The following PUS7L variants were observed in gnomAD, a reference collection of about 807,000 sequenced individuals.
PUS7L encodes pseudouridine synthase 7 like.
A neutral mutation model predicts 51.1 loss-of-function variants in PUS7L; 49 were observed. The ratio of observed to expected loss-of-function variants is 0.96; its 90% CI spans 0.76 to 1.22. The LOEUF (loss-of-function observed/expected upper bound fraction) is 1.22, where lower values mean the gene tolerates loss of function less well. Among genes scored for constraint, PUS7L ranks in the 50% most tolerant of loss-of-function variants. PUS7L has a pLI of 0.00. For synonymous variants in PUS7L, 277 were observed against 276.2 expected (o/e 1.00, Z -0.03); for missense variants, 828 against 820.6 (o/e 1.01, Z -0.11).
chr12:43,748,569 C>A lies in PUS7L; in HGVS notation c.951G>T (p.Ala317=). 7 of 1,605,934 alleles carry A rather than the reference C, an allele frequency of 4.4e-6. No homozygotes were observed. Among genetic ancestry groups the A allele is most frequent in the Admixed American group, 1.7e-5 (1 of 57,958 alleles). The change falls in exon 3 of 9, where the codon GCG becomes GCT. Residue 317 remains alanine, a synonymous_variant. Coordinates refer to ENST00000344862, the MANE Select transcript of PUS7L (RefSeq NM_031292.5). ...CAAGTTTGATAGCTAAAAAACCAATCGCTTCAAACATTTCCAGGTTTTCCT... is the reference window on the plus strand; with the variant it reads ...CAAGTTTGATAGCTAAAAAACCAATAGCTTCAAACATTTCCAGGTTTTCCT... ...LRKENLEMFE[A]IGFLAIKLGV... is the part of the protein sequence containing the mutation.
rs1487894566 is a variant in PUS7L, at chr12:43,755,144, A to G, written c.102T>C (p.Phe34=). The change falls in exon 2 of 9, where the codon TTT becomes TTC. Residue 34 remains phenylalanine, a synonymous_variant. Transcript: ENST00000344862. ...CCTGTTCATCAATTTCAATAACAATAAAGTCACTTGGTGAGCTTTTTATAG... is the reference window on the plus strand; with the variant it reads ...CCTGTTCATCAATTTCAATAACAATGAAGTCACTTGGTGAGCTTTTTATAG... ...HGTIKSSPSD[F]IVIEIDEQGQ... The G allele has an allele frequency of 1.9e-6, 3 of 1,613,536 alleles. No homozygotes were observed. Among genetic ancestry groups the G allele is most frequent in the Admixed American group, 1.7e-5 (1 of 60,008 alleles).
rs1321742956 is a variant in PUS7L, at chr12:43,730,141, A to G, written c.*235T>C. Reference sequence around the variant, plus strand: ...ATGACACAGAATAAAGGTCACTGAAACATATAATAGAAAAAAAACACAGGC... The same window carrying G: ...ATGACACAGAATAAAGGTCACTGAAGCATATAATAGAAAAAAAACACAGGC... On this transcript the variant is annotated 3_prime_UTR_variant, in exon 9 of 9. Transcript: ENST00000344862. 6.2e-6 allele frequency: 3 copies of G among 482,868 alleles called. No individual in the cohort carries two copies. The highest frequency in any genetic ancestry group is 3.4e-5 in the Admixed American group (1 of 29,046). The allele number at this position is 482,868 out of a possible 1,614,324, so 29.9% of individuals were successfully genotyped here.
Position 43,727,264 on chromosome 12 carries a change from G to A in PUS7L, c.*3112C>T, listed in dbSNP as rs1944467525. 6.6e-6 allele frequency: 1 copy of A among 152,154 alleles called. No homozygotes were observed. Among genetic ancestry groups the A allele is most frequent in the Admixed American group, 6.5e-5 (1 of 15,276 alleles). 9.4% of individuals were successfully genotyped at this position (152,154 alleles called of 1,614,324 possible). A position where few individuals can be genotyped will look rare whatever the true frequency, so the allele number is the denominator to read the frequency against. ...AATATAAATTAGTTCAGCCTCTGTG[G>A]AAAGCAGTTTGAAGATTTCTCAAAG... On this transcript the variant is annotated 3_prime_UTR_variant, in exon 9 of 9. Coordinates refer to ENST00000344862, the MANE Select transcript of PUS7L (RefSeq NM_031292.5).
chr12:43,753,043 ATT>A (rs1176710054), intron 2 of PUS7L, among the ~76,000 whole-genome samples: 5 of 152,204 alleles, frequency 3.3e-5, no homozygotes, highest in African/African-American at 9.6e-5. Context: ...CCAAATTAAT[ATT>A]GTTAGAATTT....
rs143825055 is a variant in PUS7L, at chr12:43,736,586, C to T, written c.1520G>A (p.Arg507His). The change falls in exon 7 of 9, where the codon CGC becomes CAC. Residue 507 changes from arginine to histidine, a missense_variant. Coordinates refer to ENST00000344862, the MANE Select transcript of PUS7L (RefSeq NM_031292.5). ...RERALLEALH[R>H]FGMTEEGCIQ... ...ACAACCTTCCTCGGTCATGCCAAAG[C>T]GGTGCAATGCCTCCAACAATGCTCT... The T allele has an allele frequency of 1.6e-4, 258 of 1,613,914 alleles. No individual in the cohort carries two copies. Among genetic ancestry groups the T allele is most frequent in the African/African-American group, 2.0e-4 (15 of 74,812 alleles).
At chr12:43,732,586 T>A (rs1944583542) in intron 7 of PUS7L, among the ~76,000 whole-genome samples, 1 of 152,166 alleles carries the variant, frequency 6.6e-6, no homozygotes, top group African/African-American at 2.4e-5. Flanking sequence ...CTCTAGGATA[T>A]CACAGAATAA....
chr12:43,755,942 A>G (rs1938679753), intron 1 of PUS7L, among the ~76,000 whole-genome samples: 1 of 152,196 alleles, frequency 6.6e-6, no homozygotes, highest in African/African-American at 2.4e-5. Context: ...ACACTATGCA[A>G]GAGAATAGTA....
chr12:43,744,773 G>C (rs1158992644), intron 4 of PUS7L, among the ~76,000 whole-genome samples: 1 of 151,988 alleles, frequency 6.6e-6, no homozygotes. Flanking sequence ...GGTCTTTGTG[G>C]TGAGAAACTT....
chr12:43,732,377 C>A (rs762849521), intron 7 of PUS7L, among the ~76,000 whole-genome samples: 8 of 151,504 alleles, frequency 5.3e-5, no homozygotes, highest in Non-Finnish European at 1.2e-4. Flanking sequence ...ATCCCAGGAG[C>A]TAAAGACTGC....
chr12:43,732,386 G>A (rs1275515855), intron 7 of PUS7L, among the ~76,000 whole-genome samples: 1 of 151,876 alleles, frequency 6.6e-6, no homozygotes, highest in Non-Finnish European at 1.5e-5. Context: ...GCTAAAGACT[G>A]CAGTGAAACA....
In PUS7L at chr12:43,736,580, C is replaced by G; in HGVS notation, c.1526G>C (p.Gly509Ala). The change falls in exon 7 of 9, where the codon GGC (glycine) becomes GCC (alanine). Residue 509 changes from glycine (G) to alanine (A), a missense_variant. Transcript: ENST00000344862. ...RALLEALHRF[G>A]MTEEGCIQAW... ...CTGGATACAACCTTCCTCGGTCATG[C>G]CAAAGCGGTGCAATGCCTCCAACAA... The G allele has an allele frequency of 1.2e-6, 2 of 1,614,052 alleles. No homozygotes were observed. Among genetic ancestry groups the G allele is most frequent in the Non-Finnish European group, 8.5e-7 (1 of 1,180,030 alleles).
intron 5 of PUS7L, chr12:43,739,125 T>C (rs17093639): frequency 0.11 from 17,226 of 152,380 alleles, 1,864 homozygotes; most frequent in African/African-American, 0.28. Flanking sequence ...AAGTGAAAGA[T>C]CAAGAACCAC....
chr12:43,730,700 C>A lies in PUS7L; in HGVS notation c.1782G>T (p.Val594=), dbSNP rs1456009960. ...GSANMYAIHQ[V]VLPVLGYNIQ... ...TATTGTATCCAAGTACTGGAAGAAC[C>A]ACCTGTGAAAGAAAAGAGGGAAAAA... Residue 594 remains valine, a splice_region_variant and synonymous_variant, in exon 9 of 9, where the codon GTG becomes GTT. Transcript: ENST00000344862. 3.8e-6 allele frequency: 6 copies of A among 1,579,680 alleles called. No individual in the cohort carries two copies. The African/African-American group carries it at 4.1e-5, about 11-fold the overall frequency.
rs1202760659 is a variant in PUS7L at position 43,720,078 on chromosome 12, A to T, written c.*10298T>A. The T allele has an allele frequency of 1.3e-5, 2 of 152,232 alleles. No homozygotes were observed. Among genetic ancestry groups the T allele is most frequent in the Non-Finnish European group, 2.9e-5 (2 of 68,040 alleles). 9.4% of individuals were successfully genotyped at this position (152,232 alleles called of 1,614,324 possible). ...TTCTTTTCTACCATAAGCATTTATG[A>T]ATATAATCTCCCTCTACATGCTGCT... On this transcript the variant is annotated 3_prime_UTR_variant, in exon 9 of 9. Coordinates refer to ENST00000344862, the MANE Select transcript of PUS7L (RefSeq NM_031292.5).
intron 3 of PUS7L, among the ~76,000 whole-genome samples, chr12:43,748,192 A>T (rs1017732566): frequency 1.3e-5 from 2 of 152,230 alleles, no homozygotes; most frequent in African/African-American, 2.4e-5. Context: ...TAACAAAAAA[A>T]TTTGTAAAAT....
chr12:43,748,261 T>A (rs10880564), intron 3 of PUS7L, among the ~76,000 whole-genome samples, 189 bp downstream of exon 3: 5,853 of 152,304 alleles, frequency 0.038, 281 homozygotes, highest in African/African-American at 0.11. Context: ...ACGAGGATTT[T>A]TTTTAAATGT....
At chr12:43,752,312 C>A (rs1938492659) in intron 2 of PUS7L, among the ~76,000 whole-genome samples, 1 of 152,200 alleles carries the variant, frequency 6.6e-6, no homozygotes, top group South Asian at 2.1e-4. Context: ...CACAGCATAG[C>A]AGCTGGCTTT....
chr12:43,736,816 A>T (rs1190708148), intron 6 of PUS7L, 155 bp from the exon 7 acceptor site: 10 of 586,040 alleles, frequency 1.7e-5, no homozygotes, highest in Non-Finnish European at 2.6e-5. Flanking sequence ...GAAGAGCTTT[A>T]AAAAAAATAA....
At chr12:43,730,781 A>G in intron 8 of PUS7L, 79 bp from the exon 9 acceptor site, 2 of 902,348 alleles carry the variant, frequency 2.2e-6, no homozygotes, top group Non-Finnish European at 3.4e-6. Flanking sequence ...TACTTTTATG[A>G]CTGCGACCTG....
Sources: allele counts gnomAD v4.1 joint callset (sites outside exome capture counted in the v4.1 genomes callset), GRCh38; gene constraint gnomAD v4.1.1; transcripts MANE v1.5; gene names NCBI Gene and HGNC (gene_info 2026-07-23, HGNC 2026-07-21).